Variants in GSTCD observed in about 807,000 individuals in gnomAD.
The protein encoded by GSTCD is glutathione S-transferase C-terminal domain containing, also known as glutathione S-transferase C-terminal domain-containing protein.
Under a neutral mutation model 68.3 loss-of-function variants are expected in GSTCD, and 44 were observed. The observed-to-expected ratio is 0.64, with a 90% CI of 0.51 to 0.83. The LOEUF (loss-of-function observed/expected upper bound fraction) is 0.83. GSTCD is among the 40% of genes least tolerant of loss of function. GSTCD has a pLI of 0.00. For synonymous variants in GSTCD, 273 were observed against 255.2 expected, an observed-to-expected ratio of 1.07 and a Z score of -0.67; for missense variants, 739 against 735.9, an observed-to-expected ratio of 1.00 and a Z score of -0.05.
intron 5 of GSTCD, among the ~76,000 whole-genome samples, chr4:105,819,578 G>A (rs932227017): frequency 7.9e-5 from 12 of 151,564 alleles, no homozygotes; most frequent in African/African-American, 2.9e-4. Flanking sequence ...ATAGAACCTC[G>A]GCTTTGCTGT....
chr4:105,790,210 G>T (rs2149254735), intron 5 of GSTCD, among the ~76,000 whole-genome samples: 1 of 152,124 alleles, frequency 6.6e-6, no homozygotes, highest in African/African-American at 2.4e-5. Context: ...CCTTGATCTG[G>T]ATTTGTTAGT....
At chr4:105,814,474 G>A (rs145258178) in intron 5 of GSTCD, among the ~76,000 whole-genome samples, 2 of 152,112 alleles carry the variant, frequency 1.3e-5, no homozygotes, top group Non-Finnish European at 2.9e-5. Flanking sequence ...TAACCTGGGC[G>A]TGATGGTGTG....
intron 8 of GSTCD, among the ~76,000 whole-genome samples, chr4:105,828,865 G>A (rs2193855): frequency 0.88 from 133,506 of 152,076 alleles, 58,858 homozygotes; most frequent in East Asian, 0.96. Context: ...TCCTGCTCTC[G>A]TCTTGTGTAA....
chr4:105,803,614 G>GA (rs1350798960), intron 5 of GSTCD, among the ~76,000 whole-genome samples: 2 of 151,030 alleles, frequency 1.3e-5, no homozygotes, highest in Non-Finnish European at 3.0e-5. Context: ...TGTAATAGCA[G>GA]AAAAAATTGA....
At position 105,845,432 on chromosome 4, in the gene GSTCD, G is replaced by A. The variant is rs774000166; in HGVS notation, c.1766-9G>A. 25 of 1,613,912 alleles carry A rather than the reference G, an allele frequency of 1.5e-5. No homozygotes were observed. The South Asian group carries it at 2.6e-4, about 17-fold the overall frequency. On this transcript the variant is annotated splice_polypyrimidine_tract_variant and intron_variant, in intron 11 of 11. Transcript: ENST00000515279. ...GGGTGTCTCATGATACCATTTGACT[G>A]TGTTTCAGGAAAACAGTGCATGTGC...
intron 5 of GSTCD, among the ~76,000 whole-genome samples, chr4:105,759,508 A>G (rs2149234253): frequency 6.6e-6 from 1 of 152,258 alleles, no homozygotes; most frequent in Admixed American, 6.5e-5. Flanking sequence ...GCCCTTACCA[A>G]CTGGATCCTC....
intron 5 of GSTCD, among the ~76,000 whole-genome samples, chr4:105,822,605 T>A (rs1376952704): frequency 6.6e-6 from 1 of 152,142 alleles, no homozygotes; most frequent in Non-Finnish European, 1.5e-5. Context: ...TCTGCCAACA[T>A]TAATTGGACA....
intron 5 of GSTCD, among the ~76,000 whole-genome samples, chr4:105,733,405 G>A (rs180827007): frequency 3.9e-5 from 6 of 152,298 alleles, no homozygotes; most frequent in Admixed American, 2.6e-4. Flanking sequence ...AGGATAGTTA[G>A]CTCTTCTTGT....
rs771042963 is a variant in GSTCD at position 105,729,382 on chromosome 4, G to T, written c.1147-24G>T. The T allele has an allele frequency of 1.0e-5, 15 of 1,455,238 alleles. No individual in the cohort carries two copies. In the East Asian group the frequency reaches 3.0e-4, roughly 29 times the overall value. The allele number at this position is 1,455,238 out of a possible 1,614,324, so 90.1% of individuals were successfully genotyped here. A position where few individuals can be genotyped will look rare whatever the true frequency, so the allele number is the denominator to read the frequency against. ...AAGACTATATTAATTCCTTAATTTA[G>T]AAAGAGGCTATTTCCTTTTCTAGGA... On this transcript the variant is annotated intron_variant, in intron 4 of 11. Coordinates refer to ENST00000515279, the MANE Select transcript of GSTCD (RefSeq NM_001370181.1).
chr4:105,722,965 G>T (rs371151109), intron 3 of GSTCD, among the ~76,000 whole-genome samples: 74 of 151,966 alleles, frequency 4.9e-4, no homozygotes, highest in African/African-American at 1.8e-3. Context: ...GAGCTATCTG[G>T]ATATTAGTAG....
chr4:105,825,654 T>C lies in GSTCD; in HGVS notation c.1402-18T>C, dbSNP rs759749959. On this transcript the variant is annotated intron_variant, in intron 7 of 11. Coordinates refer to ENST00000515279, the MANE Select transcript of GSTCD (RefSeq NM_001370181.1). ...ATTATGTTACTAAATATACTATTGT[T>C]TTCTGGGTAAAATCTAGGTTACATT... The C allele has an allele frequency of 1.5e-6, 2 of 1,375,082 alleles. No homozygotes were observed. Among genetic ancestry groups the C allele is most frequent in the African/African-American group, 2.9e-5 (2 of 69,896 alleles). 85.2% of individuals were successfully genotyped at this position (1,375,082 alleles called of 1,614,324 possible). A position where few individuals can be genotyped will look rare whatever the true frequency, so the allele number is the denominator to read the frequency against.
intron 5 of GSTCD, among the ~76,000 whole-genome samples, chr4:105,791,160 G>A (rs761212170): frequency 1.6e-3 from 250 of 152,094 alleles, no homozygotes; most frequent in African/African-American, 5.6e-3. Context: ...TTGGGAGGCC[G>A]AGGTGGGCGG....
intron 5 of GSTCD, among the ~76,000 whole-genome samples, chr4:105,813,569 GA>G (rs1448081439): frequency 6.6e-6 from 1 of 151,946 alleles, no homozygotes; most frequent in African/African-American, 2.4e-5. Flanking sequence ...CCAAAATCCA[GA>G]AAAAAAATTT....
At chr4:105,829,534 C>T (rs1723810875) in intron 8 of GSTCD, among the ~76,000 whole-genome samples, 2 of 152,182 alleles carry the variant, frequency 1.3e-5, no homozygotes, top group Admixed American at 6.5e-5. Context: ...TCACATCTTA[C>T]ATGGTGGCAG....
intron 8 of GSTCD, among the ~76,000 whole-genome samples, chr4:105,833,884 A>AT (rs1449585792): frequency 6.6e-6 from 1 of 152,226 alleles, no homozygotes; most frequent in East Asian, 1.9e-4. Flanking sequence ...ACTCATTGAA[A>AT]ATAGTTCCTG....
In GSTCD at chr4:105,729,421, G is replaced by T; in HGVS notation, c.1162G>T (p.Val388Leu). The T allele has an allele frequency of 6.2e-7, 1 of 1,608,120 alleles. No homozygotes were observed. Among genetic ancestry groups the T allele is most frequent in the Non-Finnish European group, 8.5e-7 (1 of 1,175,874 alleles). ...MAKLMEKGIEVMFSPHPCPTW... is the reference protein window; with the variant it reads ...MAKLMEKGIELMFSPHPCPTW... ...CCTTTTCTAGGAAAAGGGCATTGAA[G>T]TGATGTTTTCTCCCCACCCTTGCCC... The change falls in exon 5 of 12, where the codon GTG (valine) becomes TTG (leucine). Residue 388 changes from valine (V) to leucine (L), a missense_variant. By Grantham distance (32) the Val-to-Leu change is conservative. Coordinates refer to ENST00000515279, the MANE Select transcript of GSTCD (RefSeq NM_001370181.1).
chr4:105,847,308 G>A lies in GSTCD; in HGVS notation c.*1731G>A, dbSNP rs1450566448. The A allele has an allele frequency of 6.6e-6, 1 of 150,818 alleles. No homozygotes were observed. The highest frequency in any genetic ancestry group is 1.5e-5 in the Non-Finnish European group (1 of 67,796). The allele number at this position is 150,818 out of a possible 1,614,324, so 9.3% of individuals were successfully genotyped here. On this transcript the variant is annotated 3_prime_UTR_variant, in exon 12 of 12. Transcript: ENST00000515279. ...ATTTTACAGGGCAGTATGGGTGGGG[G>A]TGGGAGACATATTGGAATCGTGTTT...
At chr4:105,806,845 C>G (rs1431009767) in intron 5 of GSTCD, among the ~76,000 whole-genome samples, 1 of 152,086 alleles carries the variant, frequency 6.6e-6, no homozygotes, top group Non-Finnish European at 1.5e-5. Context: ...CGATCCTATT[C>G]CCATTTAAGC....
At chr4:105,808,405 AAT>A (rs1205183730) in intron 5 of GSTCD, among the ~76,000 whole-genome samples, 1 of 152,064 alleles carries the variant, frequency 6.6e-6, no homozygotes, top group African/African-American at 2.4e-5. Flanking sequence ...CTGTTTTTAA[AAT>A]ATGTTTCAAG....
Sources: gnomAD v4.1 joint callset for allele counts (sites outside exome capture counted in the v4.1 genomes callset) on GRCh38, gnomAD v4.1.1 for gene constraint, MANE v1.5 for transcripts, NCBI Gene and HGNC (gene_info 2026-07-23, HGNC 2026-07-21) for gene names.